CLCN3: variants seen among roughly 807,000 people sequenced by gnomAD.
CLCN3 encodes the protein H(+)/Cl(-) exchange transporter 3.
CLCN3 carries 16 observed loss-of-function variants against 83.4 expected under a neutral mutation model. That is an observed-to-expected ratio of 0.19 (90% CI 0.13 to 0.29). The LOEUF is 0.29. Among genes scored for constraint, CLCN3 ranks in the 10% least tolerant of loss-of-function variants. CLCN3 has a pLI of 1.00. For missense variants in CLCN3, 544 were observed against 1,006.0 expected (o/e 0.54, Z 6.21); for synonymous variants, 322 against 346.2 (o/e 0.93, Z 0.78).
intron 8 of CLCN3, among the ~76,000 whole-genome samples, chr4:169,696,481 A>G (rs1732568691): frequency 6.6e-6 from 1 of 152,152 alleles, no homozygotes; most frequent in Non-Finnish European, 1.5e-5. Context: ...ATACATGTAT[A>G]CATTGCGGAA....
chr4:169,631,407 C>G (rs1354361680), intron 1 of CLCN3, among the ~76,000 whole-genome samples: 1 of 152,146 alleles, frequency 6.6e-6, no homozygotes. Context: ...CTGCCCCAGC[C>G]TCCGGAGTAG....
At position 169,722,454 on chromosome 4, in the gene CLCN3, G is replaced by A. The variant is rs1029534782; in HGVS notation, c.*2457G>A. The A allele has an allele frequency of 1.3e-5, 2 of 152,080 alleles. No individual in the cohort carries two copies. The highest frequency in any genetic ancestry group is 6.6e-5 in the Admixed American group (1 of 15,266). The allele number at this position is 152,080 out of a possible 1,614,324, so 9.4% of individuals were successfully genotyped here. ...TGATAGTTCTGTATATCTCCAACTC[G>A]TCTTAAGTGTATTTGCCTGTGTGCA... On this transcript the variant is annotated 3_prime_UTR_variant, in exon 13 of 13. Transcript: ENST00000513761.
chr4:169,689,205 C>G lies in CLCN3; in HGVS notation c.581C>G (p.Ala194Gly). The G allele has an allele frequency of 6.2e-7, 1 of 1,612,990 alleles. No homozygotes were observed. The highest frequency in any genetic ancestry group is 8.5e-7 in the Non-Finnish European group (1 of 1,179,562). ...RDKCPQWKTW[A>G]ELIIGQAEGP... Reference sequence around the variant, plus strand: ...AAATGTCCACAGTGGAAAACATGGGCAGAATTAATCATAGGTCAAGCAGAG... The same window carrying G: ...AAATGTCCACAGTGGAAAACATGGGGAGAATTAATCATAGGTCAAGCAGAG... The change falls in exon 5 of 13, where the codon GCA becomes GGA. Residue 194 changes from alanine to glycine, a missense_variant. Physicochemically the swap from Ala to Gly is moderately conservative, Grantham distance 60. Coordinates refer to ENST00000513761, the MANE Select transcript of CLCN3 (RefSeq NM_001829.4).
At chr4:169,629,201 C>T (rs1773306857) in intron 1 of CLCN3, among the ~76,000 whole-genome samples, 3 of 152,046 alleles carry the variant, frequency 2.0e-5, no homozygotes, top group African/African-American at 7.2e-5. Context: ...TATCAATGTC[C>T]TTATCTTGAT....
rs1732540739 is a variant in CLCN3 at position 169,695,839 on chromosome 4, T to TA, written c.1017+152dup. 10 of 548,940 alleles carry TA rather than the reference T, an allele frequency of 1.8e-5. No homozygotes were observed. In the South Asian group the frequency reaches 3.0e-4, roughly 16 times the overall value. 34.0% of individuals were successfully genotyped at this position (548,940 alleles called of 1,614,324 possible). On this transcript the variant is annotated intron_variant, in intron 8 of 12. Coordinates refer to ENST00000513761, the MANE Select transcript of CLCN3 (RefSeq NM_001829.4). ...AAAGTTGTTTTCCACTCATTCTTAATAAAAAGTAAATGTTATTCATGCTCC... is the reference window on the plus strand; with the variant it reads ...AAAGTTGTTTTCCACTCATTCTTAATAAAAAAGTAAATGTTATTCATGCTCC...
Position 169,723,047 on chromosome 4 carries a change from C to A in CLCN3, c.*3050C>A, listed in dbSNP as rs1733688846. 6.6e-6 allele frequency: 1 copy of A among 152,132 alleles called. No homozygotes were observed. The highest frequency in any genetic ancestry group is 2.4e-5 in the African/African-American group (1 of 41,424). The allele number at this position is 152,132 out of a possible 1,614,324, so 9.4% of individuals were successfully genotyped here. A position where few individuals can be genotyped will look rare whatever the true frequency, so the allele number is the denominator to read the frequency against. On this transcript the variant is annotated 3_prime_UTR_variant, in exon 13 of 13. Transcript: ENST00000513761. The stretch of plus-strand genomic sequence containing the variant: ...TTTCAGTTTTGGTTCACGAAGAATG[C>A]TTAGTTAATCTGTAATGTTGCCTAG...
chr4:169,702,831 C>A (rs11946332), intron 9 of CLCN3: 3 of 274,956 alleles, frequency 1.1e-5, no homozygotes, highest in South Asian at 3.7e-5. Flanking sequence ...GCCTGTAGTC[C>A]CAGCTACTCA....
At chr4:169,671,452 T>G (rs1005745445) in intron 2 of CLCN3, among the ~76,000 whole-genome samples, 2 of 150,962 alleles carry the variant, frequency 1.3e-5, no homozygotes, top group African/African-American at 4.9e-5. Flanking sequence ...TGTTGGAGGG[T>G]GGGGGACAAG....
chr4:169,720,526 TTCTCTCTC>T lies in CLCN3; in HGVS notation c.*555_*562del, dbSNP rs33952411. ...TTCTACATTCCAGAAGAGCCTTTAT[TTCTCTCTC>T]TCTCTCTCTCTCTCTCTCTCTCTCT... is the stretch of plus-strand genomic sequence containing the variant. On this transcript the variant is annotated 3_prime_UTR_variant, in exon 13 of 13. Transcript: ENST00000513761. 1.9e-3 allele frequency: 277 copies of T among 146,868 alleles called. 4 individuals carry two copies. The highest frequency in any genetic ancestry group is 9.6e-3 in the East Asian group (48 of 4,984). 9.1% of individuals were successfully genotyped at this position (146,868 alleles called of 1,614,324 possible). A position where few individuals can be genotyped will look rare whatever the true frequency, so the allele number is the denominator to read the frequency against.
At chr4:169,694,262 A>G (rs1732482907) in intron 7 of CLCN3, among the ~76,000 whole-genome samples, 1 of 152,170 alleles carries the variant, frequency 6.6e-6, no homozygotes, top group Admixed American at 6.5e-5. Flanking sequence ...AGCACTCTGT[A>G]TATATTTACT....
At chr4:169,648,066 A>G (rs1479337815) in intron 2 of CLCN3, among the ~76,000 whole-genome samples, 1 of 152,246 alleles carries the variant, frequency 6.6e-6, no homozygotes, top group Non-Finnish European at 1.5e-5. Flanking sequence ...AGTCAAGATC[A>G]TGAAAACTAG....
chr4:169,641,676 CAAA>C (rs935292187), intron 2 of CLCN3, among the ~76,000 whole-genome samples: 4 of 152,274 alleles, frequency 2.6e-5, no homozygotes, highest in African/African-American at 9.6e-5. Context: ...AGAAGCTTGG[CAAA>C]GTAGATGCAG....
At chr4:169,628,478 T>C (rs1393831015) in intron 1 of CLCN3, among the ~76,000 whole-genome samples, 1 of 152,180 alleles carries the variant, frequency 6.6e-6, no homozygotes, top group African/African-American at 2.4e-5. Context: ...GCAGTCCAGC[T>C]AGAAAACGGA....
intron 2 of CLCN3, among the ~76,000 whole-genome samples, chr4:169,651,133 C>T (rs1485947870): frequency 2.6e-5 from 4 of 152,020 alleles, no homozygotes; most frequent in Non-Finnish European, 2.9e-5. Flanking sequence ...GTGGTTTATA[C>T]CTCACTTACC....
chr4:169,702,089 A>C (rs1732808898), intron 9 of CLCN3, among the ~76,000 whole-genome samples: 1 of 152,180 alleles, frequency 6.6e-6, no homozygotes, highest in African/African-American at 2.4e-5. Context: ...AAAGCTGCCG[A>C]TCGCTAGTTT....
intron 2 of CLCN3, among the ~76,000 whole-genome samples, chr4:169,674,584 A>C (rs911943220): frequency 1.3e-5 from 2 of 152,108 alleles, no homozygotes; most frequent in African/African-American, 4.8e-5. Flanking sequence ...TGAGCTTTTG[A>C]GTATGTGTTG....
chr4:169,620,713 G>T lies in CLCN3; in HGVS notation c.-367G>T. 5.0e-6 allele frequency: 2 copies of T among 398,586 alleles called. No homozygotes were observed. The highest frequency in any genetic ancestry group is 2.6e-4 in the South Asian group (2 of 7,786). 24.7% of individuals were successfully genotyped at this position (398,586 alleles called of 1,614,324 possible). Reference sequence around the variant, plus strand: ...TTGAAAGCCATCCTACTTTACTCCCGAGTTAGAGCATGGATTCAGTTTTAG... The same window carrying T: ...TTGAAAGCCATCCTACTTTACTCCCTAGTTAGAGCATGGATTCAGTTTTAG... On this transcript the variant is annotated 5_prime_UTR_variant, in exon 1 of 13. Transcript: ENST00000513761.
At chr4:169,702,911 A>G (rs1043742976) in intron 9 of CLCN3, 2 of 185,706 alleles carry the variant, frequency 1.1e-5, no homozygotes, top group Non-Finnish European at 2.4e-5. Flanking sequence ...ACACTTAGAG[A>G]CCATTGTAGG....
intron 8 of CLCN3, 129 bp from the exon 9 acceptor site, chr4:169,697,060 A>G (rs1732592042): frequency 4.8e-6 from 3 of 630,940 alleles, no homozygotes; most frequent in Non-Finnish European, 7.9e-6. Flanking sequence ...TTACAGTAAA[A>G]TCCATTACAT....
Sources: gnomAD v4.1 joint callset for allele counts (sites outside exome capture counted in the v4.1 genomes callset) on GRCh38, gnomAD v4.1.1 for gene constraint, MANE v1.5 for transcripts, NCBI Gene and HGNC (gene_info 2026-07-23, HGNC 2026-07-21) for gene names.